The following MCF2L2 variants were observed in gnomAD, a reference collection of about 807,000 sequenced individuals.
MCF2L2 encodes probable guanine nucleotide exchange factor MCF2L2.
In MCF2L2, 102 loss-of-function variants were observed where a neutral mutation model predicts 150.2. The ratio of observed to expected loss-of-function variants is 0.68; its 90% CI spans 0.58 to 0.80. The LOEUF (loss-of-function observed/expected upper bound fraction) is 0.80. Ranked by LOEUF, MCF2L2 falls within the 30% of genes least tolerant of loss-of-function variation. MCF2L2 has a pLI of 0.00. For missense variants in MCF2L2, 1,256 were observed against 1,372.8 expected, an observed-to-expected ratio of 0.91 and a Z score of 1.34; for synonymous variants, 465 against 491.3, an observed-to-expected ratio of 0.95 and a Z score of 0.71.
At chr3:183,256,853 C>G (rs559874809) in intron 15 of MCF2L2, among the ~76,000 whole-genome samples, 1 of 130,394 alleles carries the variant, frequency 7.7e-6, no homozygotes, top group Non-Finnish European at 1.5e-5. Flanking sequence ...AACGGAAGAC[C>G]GTTATTCCAT....
intron 1 of MCF2L2, among the ~76,000 whole-genome samples, chr3:183,408,568 C>T (rs1237643299): frequency 6.6e-6 from 1 of 152,184 alleles, no homozygotes; most frequent in Non-Finnish European, 1.5e-5. Flanking sequence ...CTCCCGCAGG[C>T]CTTCATGAAA....
chr3:183,323,421 T>C lies in MCF2L2; in HGVS notation c.487-70A>G, dbSNP rs151324603. ...AAATAATAGCTCATTTACATTCTAT[T>C]CTTATCATAATTATATTTTATATTC... On this transcript the variant is annotated intron_variant, in intron 5 of 29. Coordinates refer to ENST00000328913, the MANE Select transcript of MCF2L2 (RefSeq NM_015078.4). 1.8e-5 allele frequency: 12 copies of C among 681,084 alleles called. No individual in the cohort carries two copies. In the East Asian group the frequency reaches 3.5e-4, roughly 20 times the overall value. 42.2% of individuals were successfully genotyped at this position (681,084 alleles called of 1,614,324 possible).
chr3:183,228,457 G>T, intron 17 of MCF2L2, 91 bp from the exon 18 acceptor site: 2 of 830,362 alleles, frequency 2.4e-6, no homozygotes, highest in African/African-American at 1.7e-5. Flanking sequence ...GGTTTCAAGA[G>T]GTGCCTAGAA....
chr3:183,369,570 G>A (rs2108575350), intron 3 of MCF2L2, among the ~76,000 whole-genome samples: 1 of 152,134 alleles, frequency 6.6e-6, no homozygotes, highest in South Asian at 2.1e-4. Flanking sequence ...TCTTCCTATA[G>A]CTTACTGAAG....
intron 2 of MCF2L2, among the ~76,000 whole-genome samples, chr3:183,379,779 C>T (rs951060922): frequency 3.3e-5 from 5 of 152,066 alleles, no homozygotes; most frequent in Admixed American, 6.5e-5. Flanking sequence ...AGAGAGTTAA[C>T]GCTAAAATCA....
rs1243787883 is a variant in MCF2L2, at chr3:183,223,448, C to A, written c.2209-10G>T. On this transcript the variant is annotated splice_polypyrimidine_tract_variant and intron_variant, in intron 19 of 29. Transcript: ENST00000328913. ...GTTGGCGCTGGCATACCTTTAAAAG[C>A]CAAATAGAAACAACATAAAGCAAAA... is the stretch of plus-strand genomic sequence containing the variant. The A allele has an allele frequency of 2.5e-6, 4 of 1,601,118 alleles. No individual in the cohort carries two copies. In the South Asian group the frequency reaches 4.4e-5, roughly 18 times the overall value.
chr3:183,336,162 A>G (rs898673089), intron 5 of MCF2L2, among the ~76,000 whole-genome samples: 15 of 152,204 alleles, frequency 9.9e-5, no homozygotes, highest in Admixed American at 3.3e-4. Context: ...TACATAATAC[A>G]TGTAACTGTA....
chr3:183,326,510 A>C (rs1402971052), intron 5 of MCF2L2, among the ~76,000 whole-genome samples: 9 of 135,886 alleles, frequency 6.6e-5, no homozygotes, highest in East Asian at 2.2e-4. Context: ...AAAAAAAAAA[A>C]AAAAAACAAA....
chr3:183,387,128 C>T (rs558424758), intron 2 of MCF2L2, among the ~76,000 whole-genome samples: 1 of 151,970 alleles, frequency 6.6e-6, no homozygotes, highest in Non-Finnish European at 1.5e-5. Flanking sequence ...ATGGTGTGCG[C>T]CAATGCCTGC....
chr3:183,278,308 TTATGA>T (rs1010946453), intron 14 of MCF2L2, among the ~76,000 whole-genome samples: 4 of 150,876 alleles, frequency 2.7e-5, no homozygotes, highest in Non-Finnish European at 5.9e-5. Context: ...TGTGTGTGTG[TTATGA>T]TGTACTTCTT....
chr3:183,300,106 A>C lies in MCF2L2; in HGVS notation c.1204T>G (p.Cys402Gly). The change falls in exon 11 of 30, where the codon TGT (cysteine) becomes GGT (glycine). Residue 402 changes from cysteine (C) to glycine (G), a missense_variant. Cys to Gly is a radical substitution (Grantham distance 159). Coordinates refer to ENST00000328913, the MANE Select transcript of MCF2L2 (RefSeq NM_015078.4). ...HYAADAIRPRCVELRHLCDDF... is the reference protein window; with the variant it reads ...HYAADAIRPRGVELRHLCDDF... ...TCACAGAGGTGCCTGAGCTCCACAC[A>C]CCGGGGCCTGATGGCATCTGCTGCA... The C allele has an allele frequency of 6.2e-7, 1 of 1,613,906 alleles. No individual in the cohort carries two copies.
At chr3:183,337,706 T>C (rs962661359) in intron 5 of MCF2L2, among the ~76,000 whole-genome samples, 1 of 152,208 alleles carries the variant, frequency 6.6e-6, no homozygotes, top group African/African-American at 2.4e-5. Flanking sequence ...ATTACGTTAT[T>C]CTCAATCTTT....
At chr3:183,260,515 A>AT (rs1725485536) in intron 15 of MCF2L2, among the ~76,000 whole-genome samples, 2 of 152,160 alleles carry the variant, frequency 1.3e-5, no homozygotes, top group African/African-American at 4.8e-5. Context: ...TTTGTTTCAA[A>AT]TTTTGCATAA....
intron 3 of MCF2L2, among the ~76,000 whole-genome samples, chr3:183,348,024 C>T (rs1397699320): frequency 6.6e-6 from 1 of 152,076 alleles, no homozygotes; most frequent in South Asian, 2.1e-4. Flanking sequence ...CCAGAAATAC[C>T]ATTTGACCCA....
intron 13 of MCF2L2, among the ~76,000 whole-genome samples, chr3:183,290,405 C>T (rs1298465309): frequency 2.6e-5 from 4 of 152,196 alleles, no homozygotes; most frequent in Admixed American, 6.5e-5. Context: ...GGGTGATGGC[C>T]ACAAGGCTAA....
At chr3:183,184,435 C>G (rs963806150) in intron 27 of MCF2L2, among the ~76,000 whole-genome samples, 3 of 152,166 alleles carry the variant, frequency 2.0e-5, no homozygotes, top group Non-Finnish European at 2.9e-5. Flanking sequence ...CTGGGGCACT[C>G]TCAGTCTATG....
At chr3:183,376,555 A>G (rs920238800) in intron 3 of MCF2L2, 4 of 152,244 alleles carry the variant, frequency 2.6e-5, no homozygotes, top group Non-Finnish European at 4.4e-5. Context: ...AGGAATGAAG[A>G]GCTGGGGTTC....
rs550742463 is a variant in MCF2L2, at chr3:183,188,366, C to T, written c.3016+4633G>A. Among the ~76,000 whole-genome samples the T allele has an allele frequency of 2.0e-5, 3 of 152,264 alleles. No homozygotes were observed. In the South Asian group the frequency reaches 6.2e-4, roughly 32 times the overall value. On this transcript the variant is annotated intron_variant, in intron 27 of 29. Coordinates refer to ENST00000328913, the MANE Select transcript of MCF2L2 (RefSeq NM_015078.4). Reference sequence around the variant, plus strand: ...AGACATGGGGAGAAAACAATGTCCCCGTGTTCATCACTAGAGTCATGATGG... The same window carrying T: ...AGACATGGGGAGAAAACAATGTCCCTGTGTTCATCACTAGAGTCATGATGG...
chr3:183,223,278 C>T (rs556465172), intron 20 of MCF2L2, 68 bp downstream of exon 20: 49 of 1,181,118 alleles, frequency 4.1e-5, no homozygotes, highest in East Asian at 9.3e-5. Flanking sequence ...ACATGTGTAA[C>T]GACATGGGCA....
Sources: gnomAD v4.1 joint callset for allele counts (sites outside exome capture counted in the v4.1 genomes callset) on GRCh38, gnomAD v4.1.1 for gene constraint, MANE v1.5 for transcripts, NCBI Gene and HGNC (gene_info 2026-07-23, HGNC 2026-07-21) for gene names.